Variants in PAX5 observed in about 807,000 individuals in gnomAD.
PAX5 encodes paired box protein Pax-5.
PAX5 carries 9 observed loss-of-function variants against 43.7 expected under a neutral mutation model. The observed-to-expected ratio is 0.21, with a 90% CI of 0.12 to 0.36. PAX5 has a LOEUF of 0.36. Ranked by LOEUF, PAX5 falls within the 10% of genes least tolerant of loss-of-function variation. PAX5 has a pLI of 1.00. For missense variants in PAX5, 383 were observed against 532.7 expected (o/e 0.72, Z 2.77); for synonymous variants, 228 against 214.3 (o/e 1.06, Z -0.56).
At chr9:36,945,710 A>G (rs1256932075) in intron 6 of PAX5, among the ~76,000 whole-genome samples, 2 of 152,194 alleles carry the variant, frequency 1.3e-5, no homozygotes, top group Non-Finnish European at 2.9e-5. Context: ...AGCCGGTCCA[A>G]TTGTTTGGGC....
intron 3 of PAX5, among the ~76,000 whole-genome samples, chr9:37,008,941 G>T (rs1456514705): frequency 6.6e-6 from 1 of 152,072 alleles, no homozygotes; most frequent in East Asian, 1.9e-4. Flanking sequence ...ATATTTTTGT[G>T]TATGTCACTT....
intron 8 of PAX5, 51 bp from the exon 9 acceptor site, chr9:36,846,980 T>A (rs1444839601): frequency 1.0e-5 from 14 of 1,349,766 alleles, no homozygotes; most frequent in Non-Finnish European, 1.3e-5. Flanking sequence ...CAAATCCAGT[T>A]CAGAAAAGGC....
At chr9:36,967,493 CTG>C (rs982718950) in intron 5 of PAX5, among the ~76,000 whole-genome samples, 2 of 152,218 alleles carry the variant, frequency 1.3e-5, no homozygotes, top group East Asian at 3.9e-4. Context: ...TAATGGAAAA[CTG>C]TGCAGCAGCT....
intron 8 of PAX5, among the ~76,000 whole-genome samples, chr9:36,863,896 G>A (rs561408520): frequency 5.5e-4 from 84 of 152,310 alleles, no homozygotes; most frequent in East Asian, 2.1e-3. Context: ...GGATCAGGAG[G>A]TCAGGAGCTC....
intron 2 of PAX5, among the ~76,000 whole-genome samples, chr9:37,018,774 C>G (rs565284194): frequency 6.6e-6 from 1 of 152,074 alleles, no homozygotes; most frequent in Admixed American, 6.6e-5. Flanking sequence ...ACCGGAGCGG[C>G]GCGTAACTTC....
intron 1 of PAX5, among the ~76,000 whole-genome samples, chr9:37,025,915 A>G (rs1840307458): frequency 1.3e-5 from 2 of 152,264 alleles, no homozygotes; most frequent in South Asian, 2.1e-4. Context: ...TGGGGTCTTT[A>G]AGGGTCTCTG....
chr9:36,900,643 C>T (rs1277580349), intron 7 of PAX5, among the ~76,000 whole-genome samples: 2 of 151,152 alleles, frequency 1.3e-5, no homozygotes, highest in African/African-American at 2.5e-5. Context: ...TTCTCCATGG[C>T]GTCCTCCTCC....
chr9:36,914,075 G>C (rs1041717409), intron 7 of PAX5, among the ~76,000 whole-genome samples: 3 of 152,138 alleles, frequency 2.0e-5, no homozygotes, highest in African/African-American at 7.2e-5. Flanking sequence ...AAATCCATGG[G>C]GGCTTCTCCC....
At chr9:36,879,167 C>T (rs1439014823) in intron 8 of PAX5, among the ~76,000 whole-genome samples, 1 of 152,214 alleles carries the variant, frequency 6.6e-6, no homozygotes, top group East Asian at 1.9e-4. Context: ...CTTGGTGAAG[C>T]TGTGCCCCTG....
chr9:36,871,462 C>T (rs1023657267), intron 8 of PAX5, among the ~76,000 whole-genome samples: 1 of 152,186 alleles, frequency 6.6e-6, no homozygotes, highest in Non-Finnish European at 1.5e-5. Context: ...AACCTTTAAG[C>T]CCTCCAGGCC....
chr9:36,998,563 C>T (rs919631615), intron 5 of PAX5, among the ~76,000 whole-genome samples: 1 of 152,208 alleles, frequency 6.6e-6, no homozygotes, highest in South Asian at 2.1e-4. Flanking sequence ...GCTGTGTTGT[C>T]CAATACAGCA....
In PAX5 at chr9:36,838,759, G is replaced by A. The variant is rs955034580; in HGVS notation, c.*1801C>T. The A allele has an allele frequency of 1.7e-5, 4 of 233,286 alleles. No individual in the cohort carries two copies. The highest frequency in any genetic ancestry group is 3.4e-5 in the Non-Finnish European group (4 of 118,188). 14.5% of individuals were successfully genotyped at this position (233,286 alleles called of 1,614,324 possible). On this transcript the variant is annotated 3_prime_UTR_variant, in exon 10 of 10. Coordinates refer to ENST00000358127, the MANE Select transcript of PAX5 (RefSeq NM_016734.3). ...ATCCTCTCACAGCCCCGGCTCCCTG[G>A]AGAGAGGAGGGGAAGGAAAGAGCTG... is the stretch of plus-strand genomic sequence containing the variant.
chr9:36,859,284 A>C (rs1030266919), intron 8 of PAX5, among the ~76,000 whole-genome samples: 5 of 152,148 alleles, frequency 3.3e-5, no homozygotes, highest in African/African-American at 1.2e-4. Flanking sequence ...CAACCCTGGG[A>C]GGCTGGGGCC....
intron 8 of PAX5, among the ~76,000 whole-genome samples, chr9:36,854,332 G>A (rs1489933980): frequency 1.3e-5 from 2 of 152,146 alleles, no homozygotes; most frequent in Admixed American, 6.5e-5. Flanking sequence ...AGACACTCCC[G>A]ATATACACGT....
intron 9 of PAX5, among the ~76,000 whole-genome samples, chr9:36,845,122 C>T (rs755330140): frequency 6.6e-6 from 1 of 152,210 alleles, no homozygotes; most frequent in African/African-American, 2.4e-5. Flanking sequence ...GCCACTATGG[C>T]CTCCTTGGGG....
chr9:36,976,171 C>A (rs1179176572), intron 5 of PAX5, among the ~76,000 whole-genome samples: 1 of 152,152 alleles, frequency 6.6e-6, no homozygotes, highest in Non-Finnish European at 1.5e-5. Context: ...GGATGATAAA[C>A]TACTAAACTC....
intron 7 of PAX5, among the ~76,000 whole-genome samples, chr9:36,909,766 C>T (rs928955189): frequency 6.6e-6 from 1 of 150,462 alleles, no homozygotes. Flanking sequence ...AATGTAGACC[C>T]AAGGTGGCCG....
intron 1 of PAX5, among the ~76,000 whole-genome samples, chr9:37,021,051 A>G (rs1437629491): frequency 1.3e-5 from 2 of 152,254 alleles, no homozygotes; most frequent in African/African-American, 4.8e-5. Flanking sequence ...TACTATTATT[A>G]GCATTTTCCC....
At chr9:36,963,436 C>A (rs1313989779) in intron 6 of PAX5, among the ~76,000 whole-genome samples, 2 of 152,194 alleles carry the variant, frequency 1.3e-5, no homozygotes, top group African/African-American at 4.8e-5. Flanking sequence ...ACCCAGGTAA[C>A]ATCCCCCTCT....
Sources: allele counts gnomAD v4.1 joint callset (sites outside exome capture counted in the v4.1 genomes callset), GRCh38; gene constraint gnomAD v4.1.1; transcripts MANE v1.5; gene names NCBI Gene and HGNC (gene_info 2026-07-23, HGNC 2026-07-21).